KIF26A: variants seen among roughly 807,000 people sequenced by gnomAD.
KIF26A encodes kinesin-like protein KIF26A.
A neutral mutation model predicts 126.0 loss-of-function variants in KIF26A; 74 were observed. That is an observed-to-expected ratio of 0.59 (90% CI 0.49 to 0.71). KIF26A has a LOEUF of 0.71. Among genes scored for constraint, KIF26A ranks in the 30% least tolerant of loss-of-function variants. The pLI is 0.00. For synonymous variants in KIF26A, 1,445 were observed against 1,232.7 expected, an observed-to-expected ratio of 1.17 and a Z score of -3.61; for missense variants, 2,984 against 2,763.3, an observed-to-expected ratio of 1.08 and a Z score of -1.79.
chr14:104,139,098 G>A lies in KIF26A; in HGVS notation c.98G>A (p.Arg33Gln), dbSNP rs2037611763. 1.4e-6 allele frequency: 2 copies of A among 1,466,188 alleles called. No individual in the cohort carries two copies. The highest frequency in any genetic ancestry group is 1.8e-6 in the Non-Finnish European group (2 of 1,111,504). The allele number at this position is 1,466,188 out of a possible 1,614,324, so 90.8% of individuals were successfully genotyped here. The change falls in exon 2 of 15, where the codon CGA becomes CAA. Residue 33 changes from arginine (R) to glutamine (Q), a missense_variant. Coordinates refer to ENST00000423312, the MANE Select transcript of KIF26A (RefSeq NM_015656.2). Reference protein sequence around the residue: ...EPPPLLEVSPRKRLPAGPDQD... With the variant: ...EPPPLLEVSPQKRLPAGPDQD... ...CCGCCGCTGCTGGAGGTGTCCCCCC[G>A]AAAGAGGCTACCCGCCGGGCCCGAC...
intron 4 of KIF26A, among the ~76,000 whole-genome samples, chr14:104,165,809 CTGTGTGTTTCTGTGTGCATG>C (rs1436202033): frequency 2.0e-5 from 3 of 150,996 alleles, no homozygotes; most frequent in South Asian, 2.1e-4. Flanking sequence ...ATATGTGTGT[CTGTGTGTTTCTGTGTGCATG>C]TGTGTGTTTC....
Position 104,173,038 on chromosome 14 carries a change from C to A in KIF26A, c.1482C>A (p.Cys494Ter). 1 of 1,606,748 alleles carries A rather than the reference C, an allele frequency of 6.2e-7. No homozygotes were observed. The highest frequency in any genetic ancestry group is 1.8e-4 in the Middle Eastern group (1 of 5,438). ...SSPQSLGIVP[C>*]AISWLFRLIE... Reference sequence around the variant, plus strand: ...CCCAGAGCCTGGGCATCGTGCCCTGCGCCATCTCCTGGCTCTTCAGGCTCA... The same window carrying A: ...CCCAGAGCCTGGGCATCGTGCCCTGAGCCATCTCCTGGCTCTTCAGGCTCA... Residue 494 changes from cysteine to a stop codon, truncating the protein, a stop_gained, in exon 8 of 15, where the codon TGC becomes TGA. Coordinates refer to ENST00000423312, the MANE Select transcript of KIF26A (RefSeq NM_015656.2). LOFTEE classifies it high-confidence loss of function.
At chr14:104,157,063 G>A (rs1006449674) in intron 3 of KIF26A, among the ~76,000 whole-genome samples, 15 of 152,160 alleles carry the variant, frequency 9.9e-5, no homozygotes, top group Admixed American at 6.5e-4. Flanking sequence ...ATCCCCCCAC[G>A]CCGCCCAGGA....
In KIF26A at chr14:104,177,350, C is replaced by T. The variant is rs749678686; in HGVS notation, c.4562C>T (p.Ser1521Phe). 20 of 1,495,828 alleles carry T rather than the reference C, an allele frequency of 1.3e-5. No homozygotes were observed. In the South Asian group the frequency reaches 2.0e-4, roughly 15 times the overall value. 92.7% of individuals were successfully genotyped at this position (1,495,828 alleles called of 1,614,324 possible). ...CCTTCGGTGAAGCTGTCTACGGCCT[C>T]TGTGACGGGCAGGAGCCCTGGCGGC... is the stretch of plus-strand genomic sequence containing the variant. Reference protein sequence around the residue: ...LGPSVKLSTASVTGRSPGGPV... With the variant: ...LGPSVKLSTAFVTGRSPGGPV... The change falls in exon 12 of 15, where the codon TCT becomes TTT. Residue 1521 changes from serine to phenylalanine, a missense_variant. Coordinates refer to ENST00000423312, the MANE Select transcript of KIF26A (RefSeq NM_015656.2).
At chr14:104,164,763 GTCTGTGTGTGCATC>G (rs2037866848) in intron 4 of KIF26A, among the ~76,000 whole-genome samples, 1 of 151,716 alleles carries the variant, frequency 6.6e-6, no homozygotes, top group East Asian at 1.9e-4. Flanking sequence ...GTGTGCGCGT[GTCTGTGTGTGCATC>G]TCTGTGTGTG....
At position 104,156,878 on chromosome 14, in the gene KIF26A, G is replaced by A. The variant is rs182744495; in HGVS notation, c.736-877G>A. On this transcript the variant is annotated intron_variant, in intron 3 of 14. Coordinates refer to ENST00000423312, the MANE Select transcript of KIF26A (RefSeq NM_015656.2). ...AAGGACGCCTCGGGCAGTGGTTATC[G>A]ACTGGACACTTGGGGCCGAATGACG... 1.2e-4 allele frequency among the ~76,000 whole-genome samples: 19 copies of A among 152,308 alleles called. No homozygotes were observed. In the East Asian group the frequency reaches 3.7e-3, roughly 29 times the overall value.
Position 104,175,643 on chromosome 14 carries a change from C to T in KIF26A, c.2855C>T (p.Ala952Val). 6.2e-7 allele frequency: 1 copy of T among 1,610,172 alleles called. No individual in the cohort carries two copies. The highest frequency in any genetic ancestry group is 8.5e-7 in the Non-Finnish European group (1 of 1,179,334). Residue 952 changes from alanine to valine, a missense_variant, in exon 12 of 15, where the codon GCT becomes GTT. Transcript: ENST00000423312. ...SGGRRPLPSP[A>V]PPPPQLLEAC... Reference sequence around the variant, plus strand: ...GGCAGGAGGCCACTGCCCAGCCCGGCTCCCCCACCTCCTCAGTTGCTGGAA... The same window carrying T: ...GGCAGGAGGCCACTGCCCAGCCCGGTTCCCCCACCTCCTCAGTTGCTGGAA...
intron 4 of KIF26A, among the ~76,000 whole-genome samples, chr14:104,165,678 CAT>C (rs1401866618): frequency 7.2e-6 from 1 of 138,058 alleles, no homozygotes; most frequent in East Asian, 2.0e-4. Flanking sequence ...TTTCTGTATG[CAT>C]ATGTGTGACT....
At chr14:104,159,526 G>C (rs982083064) in intron 4 of KIF26A, among the ~76,000 whole-genome samples, 1 of 152,238 alleles carries the variant, frequency 6.6e-6, no homozygotes, top group Admixed American at 6.5e-5. Context: ...CTGGAGCCCA[G>C]CAGAGCGGCC....
Position 104,174,191 on chromosome 14 carries a change from G to T in KIF26A, c.2074G>T (p.Ala692Ser), listed in dbSNP as rs374669214. Residue 692 changes from alanine (A) to serine (S), a missense_variant, in exon 11 of 15, where the codon GCT (alanine) becomes TCT (serine). Physicochemically the swap from Ala to Ser is moderately conservative, Grantham distance 99. Coordinates refer to ENST00000423312, the MANE Select transcript of KIF26A (RefSeq NM_015656.2). ...GCTGCTGCGTGAATCCCTGGCCACC[G>T]CTGGCTGCCGCACCACCATGATCGC... ...TMLLRESLAT[A>S]GCRTTMIAHV... 3.4e-4 allele frequency: 542 copies of T among 1,587,216 alleles called. No homozygotes were observed. Among genetic ancestry groups the T allele is most frequent in the Non-Finnish European group, 4.5e-4 (525 of 1,167,326 alleles).
intron 4 of KIF26A, among the ~76,000 whole-genome samples, chr14:104,164,643 C>T (rs1318974529): frequency 3.3e-5 from 5 of 152,062 alleles, no homozygotes; most frequent in African/African-American, 9.7e-5. Flanking sequence ...CTCAGAGGCG[C>T]GGCGGGCCTG....
rs747366268 is a variant in KIF26A, at chr14:104,171,833, C to T, written c.1224C>T (p.Pro408=). 156 of 1,557,118 alleles carry T rather than the reference C, an allele frequency of 1.0e-4. No homozygotes were observed. Among genetic ancestry groups the T allele is most frequent in the Non-Finnish European group, 1.2e-4 (142 of 1,151,580 alleles). ...AGAAGCAGGTGATCCTCTACGATCCCGCCGCCGGTCCCCCAGGCAGCGCAG... is the reference window on the plus strand; with the variant it reads ...AGAAGCAGGTGATCCTCTACGATCCTGCCGCCGGTCCCCCAGGCAGCGCAG... The part of the protein sequence containing the change: ...PRKKQVILYD[P]AAGPPGSAGP... The change falls in exon 6 of 15, where the codon CCC becomes CCT. Residue 408 remains proline, a synonymous_variant. Transcript: ENST00000423312.
At chr14:104,141,053 AC>A (rs1456767037) in intron 2 of KIF26A, among the ~76,000 whole-genome samples, 1 of 152,192 alleles carries the variant, frequency 6.6e-6, no homozygotes, top group Non-Finnish European at 1.5e-5. Flanking sequence ...CTGGGGCCTT[AC>A]GGGTGTCATT....
rs1293985181 is a variant in KIF26A, at chr14:104,171,708, C to T, written c.1114-15C>T. The T allele has an allele frequency of 6.5e-7, 1 of 1,548,366 alleles. No homozygotes were observed. The highest frequency in any genetic ancestry group is 1.4e-5 in the African/African-American group (1 of 73,432). ...GCGGAGGCAGCTTCTCAGGTGCCGC[C>T]CACCTCTGCCCCAGGTGAAGGTTAT... On this transcript the variant is annotated splice_polypyrimidine_tract_variant and intron_variant, in intron 5 of 14. Transcript: ENST00000423312.
Position 104,176,177 on chromosome 14 carries a change from A to G in KIF26A, c.3389A>G (p.Gln1130Arg). 1.3e-6 allele frequency: 2 copies of G among 1,595,180 alleles called. No individual in the cohort carries two copies. The highest frequency in any genetic ancestry group is 8.5e-7 in the Non-Finnish European group (1 of 1,172,050). The part of the protein sequence containing the change: ...CTADSRDPTP[Q>R]PRFSPDSLAG... ...GCCGACAGCCGTGACCCCACGCCGCAGCCCCGCTTCAGCCCCGACTCGCTG... is the reference window on the plus strand; with the variant it reads ...GCCGACAGCCGTGACCCCACGCCGCGGCCCCGCTTCAGCCCCGACTCGCTG... Residue 1130 changes from glutamine to arginine, a missense_variant, in exon 12 of 15, where the codon CAG becomes CGG. Physicochemically the swap from Gln to Arg is conservative, Grantham distance 43. Coordinates refer to ENST00000423312, the MANE Select transcript of KIF26A (RefSeq NM_015656.2).
Position 104,171,875 on chromosome 14 carries a change from C to A in KIF26A, c.1266C>A (p.Ala422=), listed in dbSNP as rs1171703604. 10 of 1,558,512 alleles carry A rather than the reference C, an allele frequency of 6.4e-6. No individual in the cohort carries two copies. The highest frequency in any genetic ancestry group is 8.7e-6 in the Non-Finnish European group (10 of 1,152,166). The part of the protein sequence containing the change: ...PPGSAGPRRA[A]TAAVPKMFAF... ...GCAGCGCAGGCCCCCGGCGAGCCGC[C>A]ACTGCTGCAGTTCCCAAGATGTTTG... Residue 422 remains alanine, a synonymous_variant, in exon 6 of 15, where the codon GCC becomes GCA. Transcript: ENST00000423312.
intron 10 of KIF26A, 67 bp from the exon 11 acceptor site, chr14:104,174,081 C>T (rs543191038): frequency 4.1e-5 from 60 of 1,459,454 alleles, no homozygotes; most frequent in Admixed American, 9.7e-5. Flanking sequence ...CCAGGGCTGC[C>T]CTTGGCCAGC....
At position 104,148,243 on chromosome 14, in the gene KIF26A, G is replaced by C. The variant is rs547396043; in HGVS notation, c.289-3772G>C. Among the ~76,000 whole-genome samples the C allele has an allele frequency of 2.0e-5, 3 of 152,172 alleles. No homozygotes were observed. The highest frequency in any genetic ancestry group is 1.9e-4 in the East Asian group (1 of 5,196). On this transcript the variant is annotated intron_variant, in intron 2 of 14. Transcript: ENST00000423312. The surrounding 1 kb of genome is among the most constrained non-coding windows in gnomAD (Gnocchi z 4.3). Reference sequence around the variant, plus strand: ...GAACAAAGTCATGATTTGTAAGTAGGGGGGAGACTCCCTAAAACCCAGGCG... The same window carrying C: ...GAACAAAGTCATGATTTGTAAGTAGCGGGGAGACTCCCTAAAACCCAGGCG...
At chr14:104,150,540 C>T (rs1387678578) in intron 2 of KIF26A, among the ~76,000 whole-genome samples, 3 of 152,114 alleles carry the variant, frequency 2.0e-5, no homozygotes, top group Admixed American at 1.3e-4. Flanking sequence ...TGTGAGCCTC[C>T]AGGGCATCTG....
Sources: allele counts gnomAD v4.1 joint callset (sites outside exome capture counted in the v4.1 genomes callset), GRCh38; gene constraint gnomAD v4.1.1; non-coding constraint Gnocchi (gnomAD v3.1); transcripts MANE v1.5; gene names NCBI Gene and HGNC (gene_info 2026-07-23, HGNC 2026-07-21).